Variants in EHD4 observed in about 807,000 individuals in gnomAD.
The protein encoded by EHD4 is EH domain containing 4, also known as EH domain-containing protein 4.
In EHD4, 37 loss-of-function variants were observed where a neutral mutation model predicts 51.0. That is an observed-to-expected ratio of 0.73 (90% CI 0.56 to 0.95). EHD4 has a LOEUF of 0.95. EHD4 is among the 40% of genes least tolerant of loss of function. The pLI, the probability that EHD4 is intolerant of heterozygous loss-of-function variation, is 0.00. For missense variants in EHD4, 632 were observed against 733.1 expected (o/e 0.86, Z 1.59); for synonymous variants, 297 against 317.3 (o/e 0.94, Z 0.68).
chr15:41,920,769 A>AG (rs2067619541), intron 3 of EHD4, among the ~76,000 whole-genome samples: 4 of 152,246 alleles, frequency 2.6e-5, no homozygotes, highest in African/African-American at 9.6e-5. Flanking sequence ...AACACAGGTA[A>AG]ATCTCCAGAA....
intron 1 of EHD4, among the ~76,000 whole-genome samples, chr15:41,970,158 C>T (rs758199213): frequency 7.2e-5 from 11 of 152,286 alleles, no homozygotes; most frequent in Non-Finnish European, 7.3e-5. Context: ...GATTTCCTCC[C>T]GGGTGCTAAA....
In EHD4 at chr15:41,953,792, T is replaced by A. The variant is rs749853517; in HGVS notation, c.385A>T (p.Ser129Cys). The A allele has an allele frequency of 6.2e-7, 1 of 1,611,862 alleles. No homozygotes were observed. Among genetic ancestry groups the A allele is most frequent in the Non-Finnish European group, 8.5e-7 (1 of 1,179,378 alleles). The change falls in exon 2 of 6, where the codon AGT becomes TGT. Residue 129 changes from serine to cysteine, a missense_variant. Coordinates refer to ENST00000220325, the MANE Select transcript of EHD4 (RefSeq NM_139265.4). Reference protein sequence around the residue: ...VDPKKPFRKLSRFGNAFLNRF... With the variant: ...VDPKKPFRKLCRFGNAFLNRF... ...TTCAGGAAAGCGTTTCCAAAGCGAC[T>A]GAGCTTTCTAAACGGCTTTTTGGGG...
chr15:41,957,262 T>C (rs1463062422), intron 1 of EHD4, among the ~76,000 whole-genome samples: 1 of 151,898 alleles, frequency 6.6e-6, no homozygotes, highest in Non-Finnish European at 1.5e-5. Flanking sequence ...CCCAGGGAGG[T>C]TGAAGCTGCA....
intron 5 of EHD4, among the ~76,000 whole-genome samples, chr15:41,903,276 G>A (rs1200759680): frequency 1.5e-5 from 2 of 133,762 alleles, no homozygotes; most frequent in African/African-American, 5.6e-5. Flanking sequence ...GTGACAGGCT[G>A]CTAGGAAAAA....
rs2067461628 is a variant in EHD4, at chr15:41,899,501, G to A, written c.*1144C>T. 2 of 150,034 alleles carry A rather than the reference G, an allele frequency of 1.3e-5. No homozygotes were observed. Among genetic ancestry groups the A allele is most frequent in the South Asian group, 2.1e-4 (1 of 4,768 alleles). The allele number at this position is 150,034 out of a possible 1,614,324, so 9.3% of individuals were successfully genotyped here. A position where few individuals can be genotyped will look rare whatever the true frequency, so the allele number is the denominator to read the frequency against. ...GTTTCTGTATAAAGGCTTTTATCCT[G>A]TAAGGAAAAAAAAAAAACACAAAAC... is the stretch of plus-strand genomic sequence containing the variant. On this transcript the variant is annotated 3_prime_UTR_variant, in exon 6 of 6. Coordinates refer to ENST00000220325, the MANE Select transcript of EHD4 (RefSeq NM_139265.4).
chr15:41,944,489 G>C (rs548065988), intron 2 of EHD4, among the ~76,000 whole-genome samples: 2 of 152,348 alleles, frequency 1.3e-5, no homozygotes, highest in Non-Finnish European at 2.9e-5. Context: ...TGGGAATGCA[G>C]GACAGGGAGG....
At chr15:41,907,524 GTA>G (rs1431648500) in intron 5 of EHD4, among the ~76,000 whole-genome samples, 2 of 152,288 alleles carry the variant, frequency 1.3e-5, no homozygotes, top group Non-Finnish European at 1.5e-5. Flanking sequence ...GTGTGTGCGT[GTA>G]TATATTTTTT....
Position 41,919,266 on chromosome 15 carries a change from G to A in EHD4, c.868C>T (p.Gln290Ter), listed in dbSNP as rs376774893. ...TTGAGCTTGCGCACCGCTGCCTTCT[G>A]GGGGAGGCTCTGGATGTCTCTAAAG... ...DLFRDIQSLP[Q>*]KAAVRKLNDL... Residue 290 changes from glutamine (Q) to a stop codon, truncating the protein, a stop_gained, in exon 4 of 6, where the codon CAG (glutamine) becomes TAG (stop). Transcript: ENST00000220325. LOFTEE classifies it high-confidence loss of function. The A allele has an allele frequency of 2.5e-6, 4 of 1,614,098 alleles. No individual in the cohort carries two copies. Among genetic ancestry groups the A allele is most frequent in the South Asian group, 2.2e-5 (2 of 91,082 alleles).
chr15:41,906,346 C>T (rs567044628), intron 5 of EHD4, among the ~76,000 whole-genome samples: 1 of 152,346 alleles, frequency 6.6e-6, no homozygotes, highest in Admixed American at 6.5e-5. Context: ...AAACCCCAGA[C>T]TCAGCCACAC....
At chr15:41,912,481 G>A (rs1047405178) in intron 4 of EHD4, among the ~76,000 whole-genome samples, 12 of 152,152 alleles carry the variant, frequency 7.9e-5, no homozygotes, top group African/African-American at 2.9e-4. Context: ...GGTCACTTAA[G>A]GTCAGGAGTT....
At chr15:41,922,641 G>A (rs947079425) in intron 3 of EHD4, among the ~76,000 whole-genome samples, 19 of 152,162 alleles carry the variant, frequency 1.2e-4, no homozygotes, top group African/African-American at 4.3e-4. Flanking sequence ...CAACACTTGT[G>A]TTTAAACTTT....
At chr15:41,912,979 T>A (rs915505687) in intron 4 of EHD4, among the ~76,000 whole-genome samples, 2 of 152,220 alleles carry the variant, frequency 1.3e-5, no homozygotes, top group Non-Finnish European at 2.9e-5. Flanking sequence ...GAATTCAAAA[T>A]GAACTGTGTC....
intron 4 of EHD4, among the ~76,000 whole-genome samples, chr15:41,916,439 A>G (rs1469425526): frequency 2.0e-5 from 3 of 152,230 alleles, no homozygotes; most frequent in Non-Finnish European, 2.9e-5. Context: ...AAAATGCCCA[A>G]CTGTGTAGTT....
At chr15:41,946,340 C>T (rs1397581633) in intron 2 of EHD4, among the ~76,000 whole-genome samples, 1 of 152,124 alleles carries the variant, frequency 6.6e-6, no homozygotes, top group Non-Finnish European at 1.5e-5. Context: ...CTCTCCACGT[C>T]TAAGGAAGGG....
At chr15:41,905,360 G>C (rs1426722012) in intron 5 of EHD4, among the ~76,000 whole-genome samples, 1 of 152,188 alleles carries the variant, frequency 6.6e-6, no homozygotes, top group African/African-American at 2.4e-5. Context: ...GGGAACCCCT[G>C]GTCTATAAGC....
intron 3 of EHD4, among the ~76,000 whole-genome samples, chr15:41,940,642 G>A (rs1421250706): frequency 1.3e-5 from 2 of 152,172 alleles, no homozygotes; most frequent in Non-Finnish European, 2.9e-5. Flanking sequence ...CCGACTGGCT[G>A]GAACATATAT....
In EHD4 at chr15:41,905,476, C is replaced by G. The variant is rs138021935; in HGVS notation, c.1089+4223G>C. 6.9e-3 allele frequency among the ~76,000 whole-genome samples: 1,047 copies of G among 152,268 alleles called. 13 individuals are homozygous for G. The highest frequency in any genetic ancestry group is 0.024 in the African/African-American group (1,005 of 41,532). On this transcript the variant is annotated intron_variant, in intron 5 of 5. Coordinates refer to ENST00000220325, the MANE Select transcript of EHD4 (RefSeq NM_139265.4). Reference sequence around the variant, plus strand: ...TGTGTGAATTGAGCACTCACCACGTCCTAGATGCTGGGGATATGGCAGTGA... The same window carrying G: ...TGTGTGAATTGAGCACTCACCACGTGCTAGATGCTGGGGATATGGCAGTGA...
intron 2 of EHD4, among the ~76,000 whole-genome samples, chr15:41,945,260 A>G (rs1372957516): frequency 6.6e-6 from 1 of 152,192 alleles, no homozygotes; most frequent in Non-Finnish European, 1.5e-5. Context: ...TTTTTCCAAA[A>G]CAGCCACCCC....
At chr15:41,918,147 C>A (rs146485246) in intron 4 of EHD4, among the ~76,000 whole-genome samples, 1 of 152,224 alleles carries the variant, frequency 6.6e-6, no homozygotes, top group Non-Finnish European at 1.5e-5. Context: ...GGCACGTAGT[C>A]ACCCTTCCCA....
Sources: allele counts gnomAD v4.1 joint callset (sites outside exome capture counted in the v4.1 genomes callset), GRCh38; gene constraint gnomAD v4.1.1; transcripts MANE v1.5; gene names NCBI Gene and HGNC (gene_info 2026-07-23, HGNC 2026-07-21).